The following PISD variants were observed in gnomAD, a reference collection of about 807,000 sequenced individuals.
PISD encodes phosphatidylserine decarboxylase.
A neutral mutation model predicts 43.5 loss-of-function variants in PISD; 31 were observed. The ratio of observed to expected loss-of-function variants is 0.71; its 90% CI spans 0.54 to 0.96. The LOEUF is 0.96. Among genes scored for constraint, PISD ranks in the 40% least tolerant of loss-of-function variants. The probability of loss-of-function intolerance (pLI) is 0.00; values close to 1 mark genes in which losing one functional copy is unlikely to be tolerated. For synonymous variants in PISD, 259 were observed against 228.7 expected (o/e 1.13, Z -1.20); for missense variants, 523 against 548.4 (o/e 0.95, Z 0.46).
chr22:31,620,736 T>A, intron 6 of PISD, 23 bp from the exon 7 acceptor site: 2 of 1,613,550 alleles, frequency 1.2e-6, no homozygotes, highest in Non-Finnish European at 1.7e-6. Flanking sequence ...GGAATGCCGC[T>A]ACTCCCCGTC....
At chr22:31,638,290 C>A in intron 3 of PISD, 1 of 799,582 alleles carries the variant, frequency 1.3e-6, no homozygotes. Flanking sequence ...CCAGTCACAA[C>A]AGCAGCCCCA....
intron 3 of PISD, among the ~76,000 whole-genome samples, chr22:31,645,547 T>G (rs1284888739): frequency 2.0e-5 from 3 of 148,754 alleles, no homozygotes; most frequent in African/African-American, 7.4e-5. Context: ...TCTTTTTTTT[T>G]TTTTAGTTTT....
intron 3 of PISD, among the ~76,000 whole-genome samples, chr22:31,637,155 A>AT (rs2073492632): frequency 3.3e-4 from 15 of 44,790 alleles, no homozygotes; most frequent in Non-Finnish European, 4.3e-4. Context: ...AAAAAAAAAA[A>AT]AAAAAAAAAA....
rs2072600186 is a variant in PISD at position 31,621,851 on chromosome 22, A to G, written c.356T>C (p.Leu119Pro). Residue 119 changes from leucine (L) to proline (P), a missense_variant, in exon 4 of 8, where the codon CTG (leucine) becomes CCG (proline). Leu to Pro is a moderately conservative substitution (Grantham distance 98). Transcript: ENST00000439502. The stretch of plus-strand genomic sequence containing the variant: ...ATTGAGGCGACCCCAGGCCCGTGAC[A>G]GCAAGCGCGTTGGCACTGACTTGTA... ...ALYKSVPTRL[L>P]SRAWGRLNQV... 6.2e-7 allele frequency: 1 copy of G among 1,611,206 alleles called. No homozygotes were observed. Among genetic ancestry groups the G allele is most frequent in the African/African-American group, 1.3e-5 (1 of 74,942 alleles).
At position 31,640,575 on chromosome 22, in the gene PISD, G is replaced by GTTTTTTT. The variant is rs759964791; in HGVS notation, c.321+7519_321+7525dup. Among the ~76,000 whole-genome samples, 47 of 91,258 alleles carry GTTTTTTT rather than the reference G, an allele frequency of 5.2e-4. 1 individual carries two copies. Among genetic ancestry groups the GTTTTTTT allele is most frequent in the East Asian group, 7.2e-4 (2 of 2,772 alleles). The allele number at this position is 91,258 out of a possible 152,430, so 59.9% of individuals were successfully genotyped here. A position where few individuals can be genotyped will look rare whatever the true frequency, so the allele number is the denominator to read the frequency against. On this transcript the variant is annotated intron_variant, in intron 3 of 7. Transcript: ENST00000439502. ...ACATCCTTTTTGTTTCGGTTTGGTT[G>GTTTTTTT]TTTTTTTTTTTTTTTTTTTTTTTGA...
intron 3 of PISD, chr22:31,626,190 T>A (rs1039487019): frequency 2.6e-6 from 1 of 385,384 alleles, no homozygotes; most frequent in Non-Finnish European, 4.0e-6. Flanking sequence ...CTTCCTCAGC[T>A]GGCCTGGGGA....
rs191034218 is a variant in PISD at position 31,622,325 on chromosome 22, G to A, written c.322-440C>T. Among the ~76,000 whole-genome samples, 233 of 152,364 alleles carry A rather than the reference G, an allele frequency of 1.5e-3. 1 individual carries two copies. The highest frequency in any genetic ancestry group is 5.3e-3 in the African/African-American group (219 of 41,592). Reference sequence around the variant, plus strand: ...CCCATATCCCAGACCACCAAAGGAGGAGGCTCCCAAGTGCATGGAACAAGT... The same window carrying A: ...CCCATATCCCAGACCACCAAAGGAGAAGGCTCCCAAGTGCATGGAACAAGT... On this transcript the variant is annotated intron_variant, in intron 3 of 7. Coordinates refer to ENST00000439502, the MANE Select transcript of PISD (RefSeq NM_001326411.2).
intron 5 of PISD, 92 bp downstream of exon 5, chr22:31,621,242 G>A: frequency 6.2e-7 from 1 of 1,608,582 alleles, no homozygotes; most frequent in Non-Finnish European, 8.5e-7. Flanking sequence ...GGCCCCACAT[G>A]CCAGCCTCAG....
rs2072266397 is a variant in PISD, at chr22:31,618,686, C to T, written c.*926G>A. On this transcript the variant is annotated 3_prime_UTR_variant, in exon 8 of 8. Coordinates refer to ENST00000439502, the MANE Select transcript of PISD (RefSeq NM_001326411.2). ...CTGGCCCTGTCCCCGCCACTGGGGG[C>T]TCCCCAGGCCTGCGTTCCTGATAAA... 4 of 343,294 alleles carry T rather than the reference C, an allele frequency of 1.2e-5. No homozygotes were observed. The allele number at this position is 343,294 out of a possible 1,614,324, so 21.3% of individuals were successfully genotyped here.
At chr22:31,659,810 C>G (rs994048986) in intron 1 of PISD, among the ~76,000 whole-genome samples, 1 of 152,060 alleles carries the variant, frequency 6.6e-6, no homozygotes, top group Non-Finnish European at 1.5e-5. Context: ...TCTCGATCTC[C>G]TGACCTCATG....
At chr22:31,642,130 C>T (rs1052969771) in intron 3 of PISD, among the ~76,000 whole-genome samples, 2 of 151,194 alleles carry the variant, frequency 1.3e-5, no homozygotes, top group Admixed American at 6.6e-5. Context: ...CAGTGGCAAC[C>T]AGAGACTTCA....
Position 31,630,523 on chromosome 22 carries a change from C to T in PISD, c.322-8638G>A, listed in dbSNP as rs561705854. ...CCGTACGCTCTTCACTTCCCGTACC[C>T]GCGCCCGGCAGGAGATAAGATGTGG... On this transcript the variant is annotated intron_variant, in intron 3 of 7. Coordinates refer to ENST00000439502, the MANE Select transcript of PISD (RefSeq NM_001326411.2). This position sits in a 1 kb window ranked among gnomAD's most constrained non-coding sequence, Gnocchi z 4.4. The T allele has an allele frequency of 4.1e-4, 71 of 171,480 alleles. No homozygotes were observed. Among genetic ancestry groups the T allele is most frequent in the African/African-American group, 1.7e-3 (70 of 41,938 alleles). 10.6% of individuals were successfully genotyped at this position (171,480 alleles called of 1,614,324 possible).
In PISD at chr22:31,638,537, C is replaced by A. The variant is rs2073586396; in HGVS notation, c.321+9564G>T. 10 of 985,534 alleles carry A rather than the reference C, an allele frequency of 1.0e-5. No individual in the cohort carries two copies. In the South Asian group the frequency reaches 4.7e-4, roughly 46 times the overall value. The allele number at this position is 985,534 out of a possible 1,614,324, so 61.0% of individuals were successfully genotyped here. On this transcript the variant is annotated intron_variant, in intron 3 of 7. Coordinates refer to ENST00000439502, the MANE Select transcript of PISD (RefSeq NM_001326411.2). ...CAGAGAGGAAATGACACAGCTGCCC[C>A]AAGAGAGGCAAAACGGGTAGTAAGG... is the stretch of plus-strand genomic sequence containing the variant.
intron 3 of PISD, chr22:31,628,874 C>T: frequency 2.0e-6 from 2 of 985,442 alleles, no homozygotes; most frequent in South Asian, 9.4e-5. Flanking sequence ...AAAAGTCAAC[C>T]TCACACTCCG....
intron 3 of PISD, chr22:31,625,490 AC>A (rs1367685560): frequency 3.5e-6 from 2 of 568,424 alleles, no homozygotes; most frequent in Non-Finnish European, 6.3e-6. Context: ...GCCTGGGAGC[AC>A]CAGGGTAGGG....
chr22:31,625,271 G>A (rs760052891), intron 3 of PISD, among the ~76,000 whole-genome samples: 7 of 152,188 alleles, frequency 4.6e-5, no homozygotes, highest in Non-Finnish European at 1.0e-4. Flanking sequence ...ATCGCACCCC[G>A]GTGTATTTTT....
intron 1 of PISD, among the ~76,000 whole-genome samples, chr22:31,654,136 G>C (rs1455131407): frequency 6.6e-6 from 1 of 152,118 alleles, no homozygotes; most frequent in Non-Finnish European, 1.5e-5. Context: ...CCAACAACCT[G>C]CATGTTGCCA....
Position 31,639,697 on chromosome 22 carries a change from C to T in PISD, c.321+8404G>A, listed in dbSNP as rs182077357. Among the ~76,000 whole-genome samples, 308 of 152,126 alleles carry T rather than the reference C, an allele frequency of 2.0e-3. 1 individual carries two copies. The highest frequency in any genetic ancestry group is 6.7e-3 in the African/African-American group (278 of 41,470). ...TAGGCAGCATATCTGAAATCACAAC[C>T]GCCACACAAAGGCAGGACATATGAC... is the stretch of plus-strand genomic sequence containing the variant. On this transcript the variant is annotated intron_variant, in intron 3 of 7. Coordinates refer to ENST00000439502, the MANE Select transcript of PISD (RefSeq NM_001326411.2).
At chr22:31,659,667 C>G (rs2074267416) in intron 1 of PISD, among the ~76,000 whole-genome samples, 1 of 152,002 alleles carries the variant, frequency 6.6e-6, no homozygotes, top group Admixed American at 6.6e-5. Flanking sequence ...TCTCGGCTCA[C>G]TGCAACTTCC....
Sources: gnomAD v4.1 joint callset for allele counts (sites outside exome capture counted in the v4.1 genomes callset) on GRCh38, gnomAD v4.1.1 for gene constraint, Gnocchi (gnomAD v3.1) non-coding constraint, MANE v1.5 for transcripts, NCBI Gene and HGNC (gene_info 2026-07-23, HGNC 2026-07-21) for gene names.